CFHR1: variants seen among roughly 807,000 people sequenced by gnomAD.
CFHR1 encodes complement factor H related 1, also known as complement factor H-related protein 1.
Under a neutral mutation model 30.4 loss-of-function variants are expected in CFHR1, and 22 were observed. The ratio of observed to expected loss-of-function variants is 0.72; its 90% CI spans 0.52 to 1.03. The LOEUF is 1.03. CFHR1 is among the 50% of genes least tolerant of loss of function. The pLI is 0.00. For synonymous variants in CFHR1, 95 were observed against 129.1 expected (o/e 0.74, Z 1.79); for missense variants, 248 against 380.6 (o/e 0.65, Z 2.90).
At position 196,823,433 on chromosome 1, in the gene CFHR1, G is replaced by A. The variant is rs1483259457; in HGVS notation, c.59-2044G>A. Reference sequence around the variant, plus strand: ...AATTTTGGAGGAGTGAAGGATAATTGAAAGAGTTATGGTAGGTTAATACTA... The same window carrying A: ...AATTTTGGAGGAGTGAAGGATAATTAAAAGAGTTATGGTAGGTTAATACTA... On this transcript the variant is annotated intron_variant, in intron 1 of 5. Transcript: ENST00000320493. 2.1e-4 allele frequency among the ~76,000 whole-genome samples: 29 copies of A among 134,884 alleles called. 2 individuals are homozygous for A. The highest frequency in any genetic ancestry group is 2.1e-3 in the Admixed American group (29 of 14,028). 88.5% of individuals were successfully genotyped at this position (134,884 alleles called of 152,430 possible).
chr1:196,827,027 C>T (rs1655355019), intron 3 of CFHR1, 22 bp downstream of exon 3: 1 of 1,509,582 alleles, frequency 6.6e-7, no homozygotes, highest in Admixed American at 1.7e-5. Flanking sequence ...GCTGTTCTCT[C>T]ATATGCTGTT....
chr1:196,829,567 T>A (rs1246324924), intron 4 of CFHR1, among the ~76,000 whole-genome samples: 1 of 134,570 alleles, frequency 7.4e-6, no homozygotes, highest in Non-Finnish European at 1.6e-5. Flanking sequence ...CCCCTTTACT[T>A]GTAAAAGATC....
rs747900947 is a variant in CFHR1 at position 196,830,623 on chromosome 1, A to C, written c.731A>C (p.Glu244Ala). The stretch of plus-strand genomic sequence containing the variant: ...CAATGCCAGAACTTGTATCAACTTG[A>C]GGGTAACAAGCGAATAACATGTAGA... ...EYQCQNLYQL[E>A]GNKRITCRNG... The change falls in exon 5 of 6, where the codon GAG becomes GCG. Residue 244 changes from glutamate (E) to alanine (A), a missense_variant. Coordinates refer to ENST00000320493, the MANE Select transcript of CFHR1 (RefSeq NM_002113.3). The C allele has an allele frequency of 6.6e-7, 1 of 1,524,482 alleles. No homozygotes were observed. The highest frequency in any genetic ancestry group is 1.2e-5 in the South Asian group (1 of 80,208). 94.4% of individuals were successfully genotyped at this position (1,524,482 alleles called of 1,614,324 possible).
Position 196,827,025 on chromosome 1 carries a change from C to A in CFHR1, c.430+20C>A. ...CCACTGGTAAGTACAATGCTGTTCT[C>A]TCATATGCTGTTATCTATTATAAAG... On this transcript the variant is annotated intron_variant, in intron 3 of 5. Transcript: ENST00000320493. 6.6e-7 allele frequency: 1 copy of A among 1,512,180 alleles called. No homozygotes were observed. The highest frequency in any genetic ancestry group is 1.3e-5 in the South Asian group (1 of 79,844). 93.7% of individuals were successfully genotyped at this position (1,512,180 alleles called of 1,614,324 possible).
chr1:196,831,683 G>A (rs1655564808), intron 5 of CFHR1, 114 bp from the exon 6 acceptor site: 1 of 1,313,788 alleles, frequency 7.6e-7, no homozygotes, highest in Non-Finnish European at 1.0e-6. Context: ...GGTTTGGACA[G>A]TGTTTTGAGA....
At chr1:196,830,934 T>G (rs1357900212) in intron 5 of CFHR1, among the ~76,000 whole-genome samples, 1 of 133,754 alleles carries the variant, frequency 7.5e-6, no homozygotes, top group Non-Finnish European at 1.6e-5. Flanking sequence ...GAGACCATCC[T>G]GGCTAACATG....
rs1169531226 is a variant in CFHR1, at chr1:196,830,201, CT to C, written c.608-296del. ...TGTTGAATATGAAATAAGAAACTTT[CT>C]TTGTCATAGTTTTCTATGTTTAGCA... On this transcript the variant is annotated intron_variant, in intron 4 of 5. Transcript: ENST00000320493. Among the ~76,000 whole-genome samples, 19 of 135,518 alleles carry C rather than the reference CT, an allele frequency of 1.4e-4. 8 individuals carry two copies. In the South Asian group the frequency reaches 4.8e-3, roughly 34 times the overall value. The allele number at this position is 135,518 out of a possible 152,430, so 88.9% of individuals were successfully genotyped here. A position where few individuals can be genotyped will look rare whatever the true frequency, so the allele number is the denominator to read the frequency against.
intron 3 of CFHR1, 146 bp downstream of exon 3, chr1:196,827,151 T>C: frequency 1.1e-6 from 1 of 937,202 alleles, no homozygotes; most frequent in African/African-American, 2.2e-5. Flanking sequence ...TCCAAGTGGA[T>C]GTTGAATAAC....
intron 2 of CFHR1, 141 bp from the exon 3 acceptor site, chr1:196,826,688 G>A: frequency 1.3e-6 from 1 of 779,322 alleles, no homozygotes; most frequent in East Asian, 2.7e-5. Flanking sequence ...GGCCTCAAGT[G>A]ATCCACTCGC....
rs1257048011 is a variant in CFHR1, at chr1:196,820,257, T to C, written c.58+355T>C. ...CTAGAACAATCAATCTCAAAAAGAT[T>C]TGGCCACCTTCAAAATGCTTTTTGG... On this transcript the variant is annotated intron_variant, in intron 1 of 5. Coordinates refer to ENST00000320493, the MANE Select transcript of CFHR1 (RefSeq NM_002113.3). Among the ~76,000 whole-genome samples, 37 of 109,812 alleles carry C rather than the reference T, an allele frequency of 3.4e-4. No individual in the cohort carries two copies. In the East Asian group the frequency reaches 9.4e-3, roughly 28 times the overall value. 72.0% of individuals were successfully genotyped at this position (109,812 alleles called of 152,430 possible). A position where few individuals can be genotyped will look rare whatever the true frequency, so the allele number is the denominator to read the frequency against.
At chr1:196,826,044 A>G in intron 2 of CFHR1, 1 of 175,304 alleles carries the variant, frequency 5.7e-6, no homozygotes, top group Non-Finnish European at 1.1e-5. Flanking sequence ...TAGCATATTG[A>G]AAGGAGGTTT....
chr1:196,830,959 C>G lies in CFHR1; in HGVS notation c.790+277C>G, dbSNP rs538419790. On this transcript the variant is annotated intron_variant, in intron 5 of 5. Coordinates refer to ENST00000320493, the MANE Select transcript of CFHR1 (RefSeq NM_002113.3). Reference sequence around the variant, plus strand: ...TGGCTAACATGGTGAAACCCCGTCTCTACTAAAAATACAGAATAATAATAA... The same window carrying G: ...TGGCTAACATGGTGAAACCCCGTCTGTACTAAAAATACAGAATAATAATAA... 3.4e-3 allele frequency among the ~76,000 whole-genome samples: 452 copies of G among 132,266 alleles called. 59 individuals carry two copies. Among genetic ancestry groups the G allele is most frequent in the Non-Finnish European group, 3.2e-3 (203 of 63,504 alleles). 86.8% of individuals were successfully genotyped at this position (132,266 alleles called of 152,430 possible). A position where few individuals can be genotyped will look rare whatever the true frequency, so the allele number is the denominator to read the frequency against.
chr1:196,824,327 C>A (rs388403), intron 1 of CFHR1, among the ~76,000 whole-genome samples: 3 of 131,600 alleles, frequency 2.3e-5, no homozygotes, highest in East Asian at 4.0e-4. Context: ...GCATGATCTC[C>A]GCTCACTGCA....
chr1:196,820,795 A>G (rs1655090573), intron 1 of CFHR1: 1 of 130,882 alleles, frequency 7.6e-6, no homozygotes, highest in South Asian at 2.7e-4. Context: ...CTTTCCTTTA[A>G]ATATTTGCCC....
rs1196506801 is a variant in CFHR1 at position 196,831,612 on chromosome 1, C to T, written c.791-185C>T. Among the ~76,000 whole-genome samples, 2 of 135,282 alleles carry T rather than the reference C, an allele frequency of 1.5e-5. 1 individual carries two copies. Among genetic ancestry groups the T allele is most frequent in the African/African-American group, 6.3e-5 (2 of 31,602 alleles). The allele number at this position is 135,282 out of a possible 152,430, so 88.8% of individuals were successfully genotyped here. A position where few individuals can be genotyped will look rare whatever the true frequency, so the allele number is the denominator to read the frequency against. On this transcript the variant is annotated intron_variant, in intron 5 of 5. Transcript: ENST00000320493. ...TTCTCATACATTAAACATAAAACCT[C>T]ATTTTCACATCGATTACCATTTTAA...
Position 196,830,303 on chromosome 1 carries a change from C to T in CFHR1, c.608-197C>T, listed in dbSNP as rs408519. On this transcript the variant is annotated intron_variant, in intron 4 of 5. Transcript: ENST00000320493. Reference sequence around the variant, plus strand: ...ATATTTGTTAATGTTTTATGTGTTCCTTCAGTAAGGAGAAAAGAACTTAAA... The same window carrying T: ...ATATTTGTTAATGTTTTATGTGTTCTTTCAGTAAGGAGAAAAGAACTTAAA... Among the ~76,000 whole-genome samples, 63,489 of 133,430 alleles carry T rather than the reference C, an allele frequency of 0.48. 21,460 individuals carry two copies. The highest frequency in any genetic ancestry group is 0.59 in the African/African-American group (18,312 of 31,098). 87.5% of individuals were successfully genotyped at this position (133,430 alleles called of 152,430 possible).
rs749527665 is a variant in CFHR1, at chr1:196,826,305, CAT to C, written c.254-522_254-521del. Among the ~76,000 whole-genome samples, 81 of 134,502 alleles carry C rather than the reference CAT, an allele frequency of 6.0e-4. 9 individuals carry two copies. The highest frequency in any genetic ancestry group is 3.9e-4 in the East Asian group (2 of 5,096). The allele number at this position is 134,502 out of a possible 152,430, so 88.2% of individuals were successfully genotyped here. ...CTTTTGTCCCTAAAAGGTTGACAAA[CAT>C]AAAATATTTCATTATAAAAACCATA... On this transcript the variant is annotated intron_variant, in intron 2 of 5. Coordinates refer to ENST00000320493, the MANE Select transcript of CFHR1 (RefSeq NM_002113.3).
chr1:196,821,379 CA>C (rs1369040955), intron 1 of CFHR1, among the ~76,000 whole-genome samples: 9 of 85,216 alleles, frequency 1.1e-4, no homozygotes, highest in South Asian at 5.0e-4. Context: ...CTCCTCCCAC[CA>C]AAAAAAAGTT....
Position 196,822,051 on chromosome 1 carries a change from C to T in CFHR1, c.58+2149C>T, listed in dbSNP as rs539289144. 5.6e-4 allele frequency among the ~76,000 whole-genome samples: 74 copies of T among 131,628 alleles called. 16 individuals carry two copies. Among genetic ancestry groups the T allele is most frequent in the Admixed American group, 1.0e-3 (14 of 13,536 alleles). The allele number at this position is 131,628 out of a possible 152,430, so 86.4% of individuals were successfully genotyped here. ...AAAATACAGTATAAAATATTAAAAACGGCAGACTTGTATAGGGCTTTTACC... is the reference window on the plus strand; with the variant it reads ...AAAATACAGTATAAAATATTAAAAATGGCAGACTTGTATAGGGCTTTTACC... On this transcript the variant is annotated intron_variant, in intron 1 of 5. Coordinates refer to ENST00000320493, the MANE Select transcript of CFHR1 (RefSeq NM_002113.3).
Sources: allele counts gnomAD v4.1 joint callset (sites outside exome capture counted in the v4.1 genomes callset), GRCh38; gene constraint gnomAD v4.1.1; transcripts MANE v1.5; gene names NCBI Gene and HGNC (gene_info 2026-07-23, HGNC 2026-07-21).